EHBP1: variants seen among roughly 807,000 people sequenced by gnomAD.
EHBP1 encodes EH domain-binding protein 1.
EHBP1 carries 55 observed loss-of-function variants against 144.0 expected under a neutral mutation model. The observed-to-expected ratio is 0.38, with a 90% CI of 0.31 to 0.48. The LOEUF (loss-of-function observed/expected upper bound fraction) is 0.48, where lower values mean the gene tolerates loss of function less well. Among genes scored for constraint, EHBP1 ranks in the 20% least tolerant of loss-of-function variants. The pLI is 0.98. For missense variants in EHBP1, 1,200 were observed against 1,364.2 expected (o/e 0.88, Z 1.90); for synonymous variants, 469 against 472.7 (o/e 0.99, Z 0.10).
intron 5 of EHBP1, among the ~76,000 whole-genome samples, chr2:62,784,630 A>C (rs1173194093): frequency 6.6e-6 from 1 of 152,234 alleles, no homozygotes; most frequent in East Asian, 1.9e-4. Context: ...TTCACTCACC[A>C]GATAATTGTG....
intron 10 of EHBP1, among the ~76,000 whole-genome samples, chr2:62,925,421 A>G (rs1229541317): frequency 2.0e-5 from 3 of 152,156 alleles, no homozygotes; most frequent in African/African-American, 7.2e-5. Context: ...TTTGCAGATG[A>G]CATAATCTTA....
At chr2:62,975,927 C>T (rs1223138016) in intron 14 of EHBP1, among the ~76,000 whole-genome samples, 1 of 149,776 alleles carries the variant, frequency 6.7e-6, no homozygotes, top group East Asian at 2.0e-4. Context: ...CACACACACA[C>T]ACACACACAT....
chr2:63,027,733 C>T (rs1252963483), intron 19 of EHBP1, among the ~76,000 whole-genome samples: 1 of 151,970 alleles, frequency 6.6e-6, no homozygotes, highest in African/African-American at 2.4e-5. Context: ...TATCATATGA[C>T]CTTACTTATA....
intron 1 of EHBP1, among the ~76,000 whole-genome samples, chr2:62,686,616 T>C (rs2033726908): frequency 6.6e-6 from 1 of 152,220 alleles, no homozygotes; most frequent in African/African-American, 2.4e-5. Flanking sequence ...TACTGAGCTG[T>C]GTGTATCTGG....
upstream of EHBP1, among the ~76,000 whole-genome samples, chr2:62,704,621 T>C (rs2034391453): frequency 6.6e-6 from 1 of 152,196 alleles, no homozygotes; most frequent in African/African-American, 2.4e-5. Flanking sequence ...TGCGCCTACT[T>C]CTCTGATTAT....
chr2:62,799,024 A>AG (rs2043778895), intron 5 of EHBP1, among the ~76,000 whole-genome samples: 1 of 151,454 alleles, frequency 6.6e-6, no homozygotes, highest in African/African-American at 2.4e-5. Context: ...AAAAAAAAAA[A>AG]AGAAATTCAT....
intron 1 of EHBP1, among the ~76,000 whole-genome samples, chr2:62,689,932 G>A (rs904962216): frequency 3.9e-5 from 6 of 152,174 alleles, no homozygotes; most frequent in Admixed American, 3.3e-4. Flanking sequence ...GAGTTATCAG[G>A]CTTTGTTAGT....
chr2:62,713,734 G>GCGCA (rs1234132147), intron 2 of EHBP1, among the ~76,000 whole-genome samples: 1 of 152,202 alleles, frequency 6.6e-6, no homozygotes, highest in African/African-American at 2.4e-5. Context: ...AAACAAAATA[G>GCGCA]CGCAGTCTTT....
intron 7 of EHBP1, among the ~76,000 whole-genome samples, chr2:62,853,105 A>G (rs1351551451): frequency 6.6e-6 from 1 of 152,214 alleles, no homozygotes; most frequent in Non-Finnish European, 1.5e-5. Flanking sequence ...TATTTTGCTG[A>G]AAGATCTATA....
intron 10 of EHBP1, among the ~76,000 whole-genome samples, chr2:62,875,477 G>A (rs1020385485): frequency 1.3e-5 from 2 of 152,164 alleles, no homozygotes; most frequent in African/African-American, 2.4e-5. Context: ...TAATGTAAAA[G>A]TAAAAAACTG....
At chr2:63,027,044 C>T (rs1399783823) in intron 19 of EHBP1, among the ~76,000 whole-genome samples, 1 of 152,210 alleles carries the variant, frequency 6.6e-6, no homozygotes, top group East Asian at 1.9e-4. Context: ...TCTGGTAAGA[C>T]TGATTACCTG....
intron 5 of EHBP1, among the ~76,000 whole-genome samples, chr2:62,773,186 T>C (rs2041798611): frequency 1.3e-5 from 2 of 152,224 alleles, no homozygotes; most frequent in South Asian, 4.1e-4. Flanking sequence ...AGTGCTATAT[T>C]CTCACCTGGA....
At chr2:62,893,320 C>T (rs1048445701) in intron 10 of EHBP1, among the ~76,000 whole-genome samples, 3 of 151,998 alleles carry the variant, frequency 2.0e-5, no homozygotes, top group Admixed American at 1.3e-4. Flanking sequence ...CTCTCATGCG[C>T]GATCGTTCTC....
At chr2:62,954,546 A>C (rs79072124) in intron 13 of EHBP1, among the ~76,000 whole-genome samples, 13,825 of 152,176 alleles carry the variant, frequency 0.091, 820 homozygotes, top group Non-Finnish European at 0.13. Flanking sequence ...TTTAAGAAAA[A>C]TCTTTTCTTC....
chr2:62,965,773 G>C (rs2058217882), intron 14 of EHBP1, among the ~76,000 whole-genome samples: 1 of 152,134 alleles, frequency 6.6e-6, no homozygotes, highest in Admixed American at 6.6e-5. Flanking sequence ...TGCCACAAGA[G>C]CTAATCAAGC....
intron 10 of EHBP1, among the ~76,000 whole-genome samples, chr2:62,898,871 T>A (rs558253978): frequency 1.3e-5 from 2 of 152,266 alleles, no homozygotes; most frequent in Admixed American, 1.3e-4. Flanking sequence ...TTTTGTGTTT[T>A]AAAAAAATGA....
At chr2:62,687,055 G>A (rs138290083) in intron 1 of EHBP1, among the ~76,000 whole-genome samples, 3 of 152,216 alleles carry the variant, frequency 2.0e-5, no homozygotes, top group East Asian at 1.9e-4. Context: ...CAAAGTCTAC[G>A]CTCTTTCCAC....
intron 10 of EHBP1, among the ~76,000 whole-genome samples, chr2:62,880,700 G>C (rs1180993606): frequency 5.9e-5 from 9 of 152,120 alleles, no homozygotes; most frequent in Admixed American, 5.2e-4. Flanking sequence ...AAACCACAAT[G>C]AGATACTGTC....
chr2:62,908,604 A>G (rs538226719), intron 10 of EHBP1, among the ~76,000 whole-genome samples: 10 of 152,070 alleles, frequency 6.6e-5, no homozygotes, highest in South Asian at 2.1e-4. Context: ...GTTTTGATAT[A>G]TTGTGTTTTT....
Sources: gnomAD v4.1 joint callset for allele counts (sites outside exome capture counted in the v4.1 genomes callset) on GRCh38, gnomAD v4.1.1 for gene constraint, MANE v1.5 for transcripts, NCBI Gene and HGNC (gene_info 2026-07-23, HGNC 2026-07-21) for gene names.